The following RBFOX2 variants were observed in gnomAD, a reference collection of about 807,000 sequenced individuals.
RBFOX2 encodes RNA binding fox-1 homolog 2, also known as RNA binding protein fox-1 homolog 2.
Under a neutral mutation model 49.1 loss-of-function variants are expected in RBFOX2, and 10 were observed. That is an observed-to-expected ratio of 0.20 (90% CI 0.13 to 0.35). The LOEUF (loss-of-function observed/expected upper bound fraction) is 0.35, where lower values mean the gene tolerates loss of function less well. Ranked by LOEUF, RBFOX2 falls within the 10% of genes least tolerant of loss-of-function variation. RBFOX2 has a pLI of 1.00. For missense variants in RBFOX2, 323 were observed against 486.9 expected (o/e 0.66, Z 3.17); for synonymous variants, 183 against 187.4 (o/e 0.98, Z 0.19).
chr22:35,918,230 C>T (rs1438416415), intron 1 of RBFOX2, among the ~76,000 whole-genome samples: 1 of 152,188 alleles, frequency 6.6e-6, no homozygotes, highest in Non-Finnish European at 1.5e-5. Flanking sequence ...AAGCCATCCA[C>T]AACATTTCTG....
At chr22:35,964,914 T>C, upstream of RBFOX2, among the ~76,000 whole-genome samples, 1 of 152,246 alleles carries the variant, frequency 6.6e-6, no homozygotes, top group East Asian at 1.9e-4. Context: ...AATATTATAA[T>C]CAGATTTTAT....
chr22:35,890,147 T>C (rs1310429605), intron 1 of RBFOX2, among the ~76,000 whole-genome samples: 3 of 152,206 alleles, frequency 2.0e-5, no homozygotes, highest in Non-Finnish European at 4.4e-5. Flanking sequence ...AATATATCTT[T>C]TTCGTAACCT....
At chr22:35,756,070 G>C in intron 9 of RBFOX2, 35 bp downstream of exon 11, 1 of 1,317,576 alleles carries the variant, frequency 7.6e-7, no homozygotes, top group South Asian at 2.7e-5. Flanking sequence ...CTTGTCAGGG[G>C]ATGGGGTCGA....
At chr22:36,007,407 G>A (rs2146322631) in intron 1 of RBFOX2, among the ~76,000 whole-genome samples, 2 of 152,116 alleles carry the variant, frequency 1.3e-5, no homozygotes, top group South Asian at 4.2e-4. Flanking sequence ...GTGGTAAGCA[G>A]AATTGGCATA....
chr22:35,969,399 C>A (rs1289578384), intron 1 of RBFOX2, among the ~76,000 whole-genome samples: 1 of 152,178 alleles, frequency 6.6e-6, no homozygotes, highest in East Asian at 1.9e-4. Flanking sequence ...TGGTAAAACC[C>A]TGTCTCTACT....
rs1411047180 is a variant in RBFOX2, at chr22:35,782,961, CAA to C, written c.253-1217_253-1216del. On this transcript the variant is annotated intron_variant, in intron 2 of 11. Transcript: ENST00000405409. ...GCACACAAGAATCACATGCAGAAAT[CAA>C]AGTTTCAAGACAGGACAGCTACTGT... 4.6e-5 allele frequency among the ~76,000 whole-genome samples: 7 copies of C among 152,256 alleles called. 1 individual carries two copies. Among genetic ancestry groups the C allele is most frequent in the African/African-American group, 1.7e-4 (7 of 41,540 alleles).
chr22:35,851,473 T>C (rs1171612184), intron 1 of RBFOX2, among the ~76,000 whole-genome samples: 1 of 152,136 alleles, frequency 6.6e-6, no homozygotes, highest in African/African-American at 2.4e-5. Context: ...AGCAAAACAA[T>C]GCTACAGCAC....
At chr22:35,771,581 C>T (rs1412112905) in intron 4 of RBFOX2, among the ~76,000 whole-genome samples, 1 of 152,126 alleles carries the variant, frequency 6.6e-6, no homozygotes, top group African/African-American at 2.4e-5. Flanking sequence ...TAATACATAC[C>T]TCTTAGAATT....
chr22:35,865,499 G>C (rs1347493124), intron 1 of RBFOX2, among the ~76,000 whole-genome samples: 2 of 151,822 alleles, frequency 1.3e-5, no homozygotes, highest in African/African-American at 4.8e-5. Flanking sequence ...TAATTCCAGC[G>C]TTCAAAAAGC....
intron 1 of RBFOX2, among the ~76,000 whole-genome samples, chr22:35,888,328 C>T (rs1489999946): frequency 6.6e-6 from 1 of 152,162 alleles, no homozygotes; most frequent in Non-Finnish European, 1.5e-5. Flanking sequence ...TATCACTTAA[C>T]AACAGGAATG....
intron 1 of RBFOX2, among the ~76,000 whole-genome samples, chr22:35,991,535 C>T (rs1467602972): frequency 6.6e-6 from 1 of 152,108 alleles, no homozygotes; most frequent in Non-Finnish European, 1.5e-5. Flanking sequence ...TCAGCATCAG[C>T]CAGGTTTAAG....
chr22:35,937,387 C>T (rs768186814), intron 1 of RBFOX2, among the ~76,000 whole-genome samples: 1 of 152,140 alleles, frequency 6.6e-6, no homozygotes, highest in Non-Finnish European at 1.5e-5. Context: ...TCAATATCAA[C>T]AGTGATGAAC....
chr22:35,895,082 C>T (rs1427898805), intron 1 of RBFOX2, among the ~76,000 whole-genome samples: 1 of 151,864 alleles, frequency 6.6e-6, no homozygotes, highest in Non-Finnish European at 1.5e-5. Flanking sequence ...CCCTCCCTCT[C>T]TCTCTCTCTC....
rs1248584770 is a variant in RBFOX2, at chr22:35,765,827, T to G, written c.547-344A>C. Reference sequence around the variant, plus strand: ...AGGAAACTATATTAGCAATTCACTTTGAAGTCTGTTAATAAAACAGAGGCT... The same window carrying G: ...AGGAAACTATATTAGCAATTCACTTGGAAGTCTGTTAATAAAACAGAGGCT... On this transcript the variant is annotated intron_variant, in intron 5 of 11. Coordinates refer to ENST00000405409, the Ensembl canonical transcript of RBFOX2. Among the ~76,000 whole-genome samples, 3 of 152,196 alleles carry G rather than the reference T, an allele frequency of 2.0e-5. No homozygotes were observed. In the East Asian group the frequency reaches 5.8e-4, roughly 29 times the overall value.
chr22:35,896,609 T>C (rs1361193874), intron 1 of RBFOX2, among the ~76,000 whole-genome samples: 1 of 152,204 alleles, frequency 6.6e-6, no homozygotes, highest in African/African-American at 2.4e-5. Flanking sequence ...TTTCTTCCTC[T>C]TAGGGTAGAA....
chr22:35,917,127 T>C (rs556757255), intron 1 of RBFOX2, among the ~76,000 whole-genome samples: 14 of 152,186 alleles, frequency 9.2e-5, no homozygotes, highest in Admixed American at 2.6e-4. Flanking sequence ...AATGACTATA[T>C]TGAGCAACTC....
At chr22:35,893,382 A>T (rs2047476997) in intron 1 of RBFOX2, among the ~76,000 whole-genome samples, 1 of 152,224 alleles carries the variant, frequency 6.6e-6, no homozygotes, top group Non-Finnish European at 1.5e-5. Context: ...AACTAAGGAG[A>T]CTGTCACTGT....
upstream of RBFOX2, chr22:35,939,161 T>G: frequency 4.7e-6 from 3 of 637,332 alleles, no homozygotes; most frequent in Non-Finnish European, 8.7e-6. Flanking sequence ...TTCCAGTATA[T>G]CTTAGGCAGG....
intron 2 of RBFOX2, among the ~76,000 whole-genome samples, chr22:35,800,583 A>G (rs979964904): frequency 6.6e-6 from 1 of 152,068 alleles, no homozygotes; most frequent in African/African-American, 2.4e-5. Context: ...TCCCACTACC[A>G]TCTATGCTTA....
Sources: allele counts gnomAD v4.1 joint callset (sites outside exome capture counted in the v4.1 genomes callset), GRCh38; gene constraint gnomAD v4.1.1; transcripts MANE v1.5; gene names NCBI Gene and HGNC (gene_info 2026-07-23, HGNC 2026-07-21).